Variants in MYCBP2 observed in about 807,000 individuals in gnomAD.
MYCBP2 encodes the protein MYC binding protein 2.
MYCBP2 carries 120 observed loss-of-function variants against 525.3 expected under a neutral mutation model. The ratio of observed to expected loss-of-function variants is 0.23; its 90% CI spans 0.20 to 0.27. MYCBP2 has a LOEUF of 0.27. Among genes scored for constraint, MYCBP2 ranks in the 10% least tolerant of loss-of-function variants. The pLI is 1.00. For missense variants in MYCBP2, 4,149 were observed against 5,657.1 expected, an observed-to-expected ratio of 0.73 and a Z score of 8.55; for synonymous variants, 1,894 against 1,955.8, an observed-to-expected ratio of 0.97 and a Z score of 0.83.
intron 15 of MYCBP2, among the ~76,000 whole-genome samples, chr13:77,246,954 T>C (rs773258677): frequency 3.3e-5 from 5 of 152,046 alleles, no homozygotes; most frequent in Non-Finnish European, 5.9e-5. Flanking sequence ...AAACTAGGAA[T>C]AGAAGGAAAT....
intron 10 of MYCBP2, among the ~76,000 whole-genome samples, chr13:77,262,981 C>T (rs1691354834): frequency 1.3e-5 from 2 of 151,904 alleles, no homozygotes; most frequent in Admixed American, 1.3e-4. Context: ...TTGCAAAGAA[C>T]CCTACAAGTT....
At chr13:77,248,675 ATGGT>A (rs1288127724) in intron 15 of MYCBP2, among the ~76,000 whole-genome samples, 1 of 152,088 alleles carries the variant, frequency 6.6e-6, no homozygotes, top group Admixed American at 6.6e-5. Context: ...GGAATGTAAA[ATGGT>A]TGGCCGCTGT....
At chr13:77,284,858 T>C (rs1421516723) in intron 3 of MYCBP2, among the ~76,000 whole-genome samples, 1 of 152,140 alleles carries the variant, frequency 6.6e-6, no homozygotes, top group Non-Finnish European at 1.5e-5. Context: ...CCCCAATCTA[T>C]AGATGACAAA....
At chr13:77,130,445 G>T (rs1242478640) in intron 52 of MYCBP2, among the ~76,000 whole-genome samples, 2 of 151,588 alleles carry the variant, frequency 1.3e-5, no homozygotes, top group Non-Finnish European at 2.9e-5. Context: ...ATGTACAGAT[G>T]AATGTGGGTA....
At chr13:77,286,757 A>C (rs1434523398) in intron 3 of MYCBP2, among the ~76,000 whole-genome samples, 1 of 12,616 alleles carries the variant, frequency 7.9e-5, no homozygotes, top group Non-Finnish European at 1.3e-4. Flanking sequence ...CTCCGTCTCA[A>C]AAAAAAAAAA....
intron 55 of MYCBP2, among the ~76,000 whole-genome samples, chr13:77,116,600 T>G (rs2049823590): frequency 6.6e-6 from 1 of 152,048 alleles, no homozygotes; most frequent in African/African-American, 2.4e-5. Context: ...AAGACCTAAG[T>G]AATTTCCATT....
intron 55 of MYCBP2, among the ~76,000 whole-genome samples, chr13:77,102,531 TTTAA>T (rs1447428995): frequency 1.3e-5 from 2 of 151,546 alleles, no homozygotes; most frequent in Admixed American, 6.6e-5. Flanking sequence ...AGACAAAATA[TTTAA>T]GTAGGCATCT....
intron 19 of MYCBP2, among the ~76,000 whole-genome samples, chr13:77,224,773 T>C (rs1040248565): frequency 6.6e-6 from 1 of 152,154 alleles, no homozygotes; most frequent in African/African-American, 2.4e-5. Flanking sequence ...ATAAATGCCA[T>C]TTAATAACAT....
chr13:77,299,627 A>G (rs941634481), intron 1 of MYCBP2, among the ~76,000 whole-genome samples: 2 of 152,142 alleles, frequency 1.3e-5, no homozygotes, highest in Non-Finnish European at 2.9e-5. Context: ...AACCTTTCAC[A>G]ATATCTGAGG....
intron 47 of MYCBP2, among the ~76,000 whole-genome samples, chr13:77,148,991 T>C (rs2056064075): frequency 6.6e-6 from 1 of 152,128 alleles, no homozygotes; most frequent in Admixed American, 6.5e-5. Flanking sequence ...GAGCTCTAGA[T>C]TCTATTTTTA....
At chr13:77,240,476 C>T (rs1338263990) in intron 17 of MYCBP2, among the ~76,000 whole-genome samples, 6 of 151,976 alleles carry the variant, frequency 3.9e-5, no homozygotes, top group South Asian at 2.1e-4. Flanking sequence ...GGCGTGGTGG[C>T]GGGCACCTGT....
At chr13:77,115,619 A>C (rs2049605444) in intron 55 of MYCBP2, among the ~76,000 whole-genome samples, 1 of 151,836 alleles carries the variant, frequency 6.6e-6, no homozygotes, top group Admixed American at 6.6e-5. Context: ...AAAGGTATCA[A>C]AAATTAACTT....
chr13:77,325,748 G>T (rs2082210889), intron 1 of MYCBP2, among the ~76,000 whole-genome samples: 1 of 152,184 alleles, frequency 6.6e-6, no homozygotes, highest in African/African-American at 2.4e-5. Flanking sequence ...ATGGCCGATG[G>T]GACATCAGAT....
At chr13:77,049,563 T>C (rs1295412693) in intron 82 of MYCBP2, among the ~76,000 whole-genome samples, 3 of 152,202 alleles carry the variant, frequency 2.0e-5, no homozygotes, top group Non-Finnish European at 4.4e-5. Context: ...GGGGTTTCTT[T>C]ATGTAAATAT....
Position 77,061,666 on chromosome 13 carries a change from C to T in MYCBP2, c.12899G>A (p.Arg4300Lys). ...HLHRRTKTHQ[R>K]QVFKEEEEAI... is the part of the protein sequence containing the mutation. ...TCCAGAGACAAAAATCTTCACCTGT[C>T]TTTGATGAGTTTTGGTTCTTCGATG... Residue 4300 changes from arginine (R) to lysine (K), a missense_variant, in exon 75 of 83, where the codon AGA becomes AAA. Around this residue, in one of 21 missense-constraint regions of MYCBP2, gnomAD observed 220 missense variants for 396.0 expected, o/e 0.56. Coordinates refer to ENST00000544440, the MANE Select transcript of MYCBP2 (RefSeq NM_015057.5). 6.2e-7 allele frequency: 1 copy of T among 1,609,274 alleles called. No individual in the cohort carries two copies.
At position 77,326,610 on chromosome 13, in the gene MYCBP2, G is replaced by A. The variant is rs1287714534; in HGVS notation, c.166C>T (p.Pro56Ser). Residue 56 changes from proline to serine, a missense_variant, in exon 1 of 83, where the codon CCC (proline) becomes TCC (serine). By Grantham distance (74) the Pro-to-Ser change is moderately conservative. Coordinates refer to ENST00000544440, the MANE Select transcript of MYCBP2 (RefSeq NM_015057.5). The surrounding 1 kb of genome is among the most constrained non-coding windows in gnomAD (Gnocchi z 4.2). Reference protein sequence around the residue: ...VAAAGLGLGLPAADSRGHYQL... With the variant: ...VAAAGLGLGLSAADSRGHYQL... ...TAGTGACCCCGGGAGTCCGCGGCGG[G>A]TAGCCCCAGCCCCAGCCCCGCAGCA... The A allele has an allele frequency of 3.8e-6, 6 of 1,579,050 alleles. No individual in the cohort carries two copies. Among genetic ancestry groups the A allele is most frequent in the Admixed American group, 1.8e-5 (1 of 56,400 alleles).
chr13:77,048,683 C>T (rs624575), intron 82 of MYCBP2, among the ~76,000 whole-genome samples: 126,757 of 151,988 alleles, frequency 0.83, 53,180 homozygotes, highest in Middle Eastern at 0.89. Context: ...CATCTACTCG[C>T]AGATTGTAAA....
At chr13:77,230,884 T>A (rs2067032016) in intron 18 of MYCBP2, among the ~76,000 whole-genome samples, 1 of 152,212 alleles carries the variant, frequency 6.6e-6, no homozygotes, top group African/African-American at 2.4e-5. Flanking sequence ...GGGGGCTTCA[T>A]GTTGGTGCTC....
At chr13:77,191,891 G>T in intron 27 of MYCBP2, 78 bp from the exon 28 acceptor site, 2 of 1,400,194 alleles carry the variant, frequency 1.4e-6, no homozygotes, top group South Asian at 1.3e-5. Flanking sequence ...AAAATCCCTT[G>T]TGAACAAAAA....
Sources: gnomAD v4.1 joint callset for allele counts (sites outside exome capture counted in the v4.1 genomes callset) on GRCh38, gnomAD v4.1.1 for gene constraint, gnomAD v4.1.1 regional missense constraint, Gnocchi (gnomAD v3.1) non-coding constraint, MANE v1.5 for transcripts, NCBI Gene and HGNC (gene_info 2026-07-23, HGNC 2026-07-21) for gene names.